QKI: variants seen among roughly 807,000 people sequenced by gnomAD.
The protein encoded by QKI is QKI, KH domain containing RNA binding, also known as KH domain-containing RNA-binding protein QKI.
Under a neutral mutation model 39.0 loss-of-function variants are expected in QKI, and 10 were observed. The observed-to-expected ratio is 0.26, with a 90% CI of 0.16 to 0.43. The LOEUF is 0.43. QKI is among the 20% of genes least tolerant of loss of function. The pLI is 1.00. For synonymous variants in QKI, 204 were observed against 155.4 expected (o/e 1.31, Z -2.33); for missense variants, 218 against 428.0 (o/e 0.51, Z 4.33).
chr6:163,578,385 T>C lies in QKI; in HGVS notation c.*7675T>C, dbSNP rs1185884925. The C allele has an allele frequency of 6.6e-6, 1 of 152,216 alleles. No individual in the cohort carries two copies. Among genetic ancestry groups the C allele is most frequent in the African/African-American group, 2.4e-5 (1 of 41,454 alleles). 9.4% of individuals were successfully genotyped at this position (152,216 alleles called of 1,614,324 possible). A position where few individuals can be genotyped will look rare whatever the true frequency, so the allele number is the denominator to read the frequency against. ...CAAGCTTGGGAATGAGGAAAGTGCC[T>C]TGGCTGTGCTTGAAACCTGAATTTT... On this transcript the variant is annotated 3_prime_UTR_variant, in exon 8 of 8. Transcript: ENST00000361752.
At chr6:163,439,187 A>G (rs746158857) in intron 1 of QKI, among the ~76,000 whole-genome samples, 1 of 152,286 alleles carries the variant, frequency 6.6e-6, no homozygotes, top group Middle Eastern at 3.4e-3. Context: ...GTCTGATACC[A>G]CAGAAAGATA....
At chr6:163,545,121 T>C (rs1272198397) in intron 4 of QKI, among the ~76,000 whole-genome samples, 1 of 152,146 alleles carries the variant, frequency 6.6e-6, no homozygotes, top group Non-Finnish European at 1.5e-5. Context: ...CTTTGTGTGC[T>C]GTGTGTAAGG....
intron 2 of QKI, among the ~76,000 whole-genome samples, chr6:163,476,008 TAACACAATAGAAA>T (rs1792564363): frequency 6.6e-6 from 1 of 152,004 alleles, no homozygotes; most frequent in African/African-American, 2.4e-5. Context: ...AAGGAAAAGG[TAACACAATAGAAA>T]AACACAGGAA....
intron 3 of QKI, among the ~76,000 whole-genome samples, chr6:163,512,883 AC>A (rs1779567267): frequency 6.6e-6 from 1 of 152,178 alleles, no homozygotes; most frequent in Admixed American, 6.5e-5. Context: ...TCTGGAAAGA[AC>A]AGTAGAGTAG....
Position 163,443,867 on chromosome 6 carries a change from C to T in QKI, c.143-11412C>T, listed in dbSNP as rs542763428. Reference sequence around the variant, plus strand: ...AAAAGCAATTTACCCCTACCTCCTACACAGACGTAACTCCTTCAGAATTTT... The same window carrying T: ...AAAAGCAATTTACCCCTACCTCCTATACAGACGTAACTCCTTCAGAATTTT... On this transcript the variant is annotated intron_variant, in intron 1 of 7. Transcript: ENST00000361752. 3.9e-5 allele frequency among the ~76,000 whole-genome samples: 6 copies of T among 152,294 alleles called. No individual in the cohort carries two copies. The South Asian group carries it at 1.2e-3, about 32-fold the overall frequency.
In QKI at chr6:163,420,103, C is replaced by CT. The variant is rs537124883; in HGVS notation, c.142+4775dup. ...CCTTCACCGAAGCATGATTCAGATT[C>CT]TTTTTTTGAGGCCAATATACTTAGA... On this transcript the variant is annotated intron_variant, in intron 1 of 7. Transcript: ENST00000361752. Among the ~76,000 whole-genome samples the CT allele has an allele frequency of 4.8e-4, 65 of 135,982 alleles. 1 individual carries two copies. The South Asian group carries it at 0.014, about 30-fold the overall frequency. The allele number at this position is 135,982 out of a possible 152,430, so 89.2% of individuals were successfully genotyped here.
intron 3 of QKI, among the ~76,000 whole-genome samples, chr6:163,479,239 C>T (rs1562472811): frequency 6.6e-6 from 1 of 152,070 alleles, no homozygotes; most frequent in South Asian, 2.1e-4. Context: ...CAGATTGTGC[C>T]ACTGCACTCC....
At chr6:163,498,915 T>C (rs1434679391) in intron 3 of QKI, among the ~76,000 whole-genome samples, 1 of 152,168 alleles carries the variant, frequency 6.6e-6, no homozygotes, top group East Asian at 1.9e-4. Flanking sequence ...AATATTTGCA[T>C]ATATACAATG....
At chr6:163,440,398 G>A (rs915244429) in intron 1 of QKI, among the ~76,000 whole-genome samples, 2 of 152,154 alleles carry the variant, frequency 1.3e-5, no homozygotes, top group African/African-American at 4.8e-5. Context: ...TTACTTACCT[G>A]TAAGGGAATC....
intron 1 of QKI, 139 bp downstream of exon 1, chr6:163,415,474 C>T (rs1028867055): frequency 1.5e-4 from 116 of 783,640 alleles, no homozygotes; most frequent in Non-Finnish European, 1.9e-4. Flanking sequence ...CAGGAGGGCG[C>T]ACAAAGGAGG....
At chr6:163,535,551 A>G (rs1781143797) in intron 4 of QKI, among the ~76,000 whole-genome samples, 1 of 152,070 alleles carries the variant, frequency 6.6e-6, no homozygotes, top group African/African-American at 2.4e-5. Flanking sequence ...CGGGAAATGA[A>G]AAATAAATTA....
intron 1 of QKI, among the ~76,000 whole-genome samples, chr6:163,452,037 C>G (rs1790602881): frequency 6.6e-6 from 1 of 152,086 alleles, no homozygotes; most frequent in Non-Finnish European, 1.5e-5. Flanking sequence ...GGGGCTCTTG[C>G]ATAGTAAGAT....
rs1787286812 is a variant in QKI, at chr6:163,414,857, G to C, written c.-337G>C. On this transcript the variant is annotated 5_prime_UTR_variant, in exon 1 of 8. Transcript: ENST00000361752. ...CGAGCGGCGGCCCCGGCTCCTCCTC[G>C]TCCGGCGCCAGCAGCCCGCGCCCCG... 1 of 143,958 alleles carries C rather than the reference G, an allele frequency of 6.9e-6. No homozygotes were observed. Among genetic ancestry groups the C allele is most frequent in the Non-Finnish European group, 1.5e-5 (1 of 65,126 alleles). The allele number at this position is 143,958 out of a possible 1,614,324, so 8.9% of individuals were successfully genotyped here.
chr6:163,498,787 C>T (rs140901311), intron 3 of QKI, among the ~76,000 whole-genome samples: 11 of 152,162 alleles, frequency 7.2e-5, no homozygotes, highest in Non-Finnish European at 1.2e-4. Flanking sequence ...AGACTCTAAG[C>T]GTGCTCATTT....
At chr6:163,551,932 A>C (rs1336846375) in intron 4 of QKI, among the ~76,000 whole-genome samples, 1 of 152,202 alleles carries the variant, frequency 6.6e-6, no homozygotes, top group Admixed American at 6.5e-5. Flanking sequence ...ACTTTTGACC[A>C]TAGTAGGGAT....
chr6:163,566,827 GAAATGCGTTGGGTGTCCATAA>G, intron 7 of QKI, 32 bp downstream of exon 7: 1 of 1,609,676 alleles, frequency 6.2e-7, no homozygotes, highest in Non-Finnish European at 8.5e-7. Context: ...TTGTCTATAA[GAAATGCGTTGGGTGTCCATAA>G]AATTTGCAAC....
chr6:163,443,874 G>T (rs1397357565), intron 1 of QKI, among the ~76,000 whole-genome samples: 3 of 152,140 alleles, frequency 2.0e-5, no homozygotes, highest in Non-Finnish European at 2.9e-5. Flanking sequence ...CTACACAGAC[G>T]TAACTCCTTC....
At chr6:163,462,872 AT>A (rs1397436721) in intron 2 of QKI, among the ~76,000 whole-genome samples, 5 of 152,170 alleles carry the variant, frequency 3.3e-5, no homozygotes, top group Non-Finnish European at 5.9e-5. Context: ...GAATTTTAAG[AT>A]TTCTTTATCT....
At chr6:163,525,197 A>G (rs1780414612) in intron 3 of QKI, among the ~76,000 whole-genome samples, 1 of 152,012 alleles carries the variant, frequency 6.6e-6, no homozygotes, top group African/African-American at 2.4e-5. Context: ...TCTCAACATC[A>G]GTACATGAAC....
Sources: allele counts gnomAD v4.1 joint callset (sites outside exome capture counted in the v4.1 genomes callset), GRCh38; gene constraint gnomAD v4.1.1; transcripts MANE v1.5; gene names NCBI Gene and HGNC (gene_info 2026-07-23, HGNC 2026-07-21).